Variants in TESC observed in about 807,000 individuals in gnomAD.
The protein encoded by TESC is tescalcin, also known as calcineurin B homologous protein 3.
In TESC, 19 loss-of-function variants were observed where a neutral mutation model predicts 31.0. The ratio of observed to expected loss-of-function variants is 0.61; its 90% CI spans 0.43 to 0.90. The LOEUF (loss-of-function observed/expected upper bound fraction) is 0.90. TESC is among the 40% of genes least tolerant of loss of function. The pLI is 0.00. For synonymous variants in TESC, 109 were observed against 114.8 expected, an observed-to-expected ratio of 0.95 and a Z score of 0.32; for missense variants, 248 against 303.8, an observed-to-expected ratio of 0.82 and a Z score of 1.36.
At position 117,072,748 on chromosome 12, in the gene TESC, G is replaced by A. The variant is rs113705875; in HGVS notation, c.128+2523C>T. On this transcript the variant is annotated intron_variant, in intron 2 of 7. Coordinates refer to ENST00000335209, the MANE Select transcript of TESC (RefSeq NM_017899.4). ...CTCCATAGCGGCTGCAGCTACCAGC[G>A]TAGGTACCAAGCACCTGGCGCAGAG... Among the ~76,000 whole-genome samples, 145 of 152,278 alleles carry A rather than the reference G, an allele frequency of 9.5e-4. 1 individual carries two copies. The highest frequency in any genetic ancestry group is 3.4e-3 in the African/African-American group (140 of 41,564).
chr12:117,083,453 G>A (rs73203880), intron 1 of TESC, among the ~76,000 whole-genome samples: 3,641 of 151,752 alleles, frequency 0.024, 71 homozygotes, highest in Non-Finnish European at 0.041. Flanking sequence ...GTTCAAAGCA[G>A]CACTGTTCAT....
chr12:117,047,812 C>T (rs1954589747), intron 4 of TESC, among the ~76,000 whole-genome samples: 1 of 152,104 alleles, frequency 6.6e-6, no homozygotes, highest in Non-Finnish European at 1.5e-5. Context: ...GCAACTGTAG[C>T]TCATTGCAGC....
In TESC at chr12:117,041,949, T is replaced by C. The variant is rs1482687257; in HGVS notation, c.565A>G (p.Lys189Glu). The change falls in exon 7 of 8, where the codon AAG (lysine) becomes GAG (glutamate). Residue 189 changes from lysine (K) to glutamate (E), a missense_variant and splice_region_variant. Physicochemically the swap from Lys to Glu is moderately conservative, Grantham distance 56 (BLOSUM62 1). Coordinates refer to ENST00000335209, the MANE Select transcript of TESC (RefSeq NM_017899.4). The part of the protein sequence containing the change: ...YEGITFEDFL[K>E]IWQGIDIETK... ...GCTCCCACGCCCAGGCCACCCACCT[T>C]CAGGAAGTCCTCGAAGGTGATCCCC... The C allele has an allele frequency of 1.9e-6, 3 of 1,588,654 alleles. No individual in the cohort carries two copies. In the South Asian group the frequency reaches 3.5e-5, roughly 18 times the overall value.
chr12:117,057,432 G>A (rs1284898478), intron 2 of TESC, among the ~76,000 whole-genome samples: 1 of 152,118 alleles, frequency 6.6e-6, no homozygotes, highest in African/African-American at 2.4e-5. Flanking sequence ...GAGGTGGACT[G>A]TACATTCATC....
intron 2 of TESC, among the ~76,000 whole-genome samples, chr12:117,072,793 TAA>T (rs1445681384): frequency 6.6e-6 from 1 of 152,136 alleles, no homozygotes; most frequent in African/African-American, 2.4e-5. Flanking sequence ...ATGAACTTTT[TAA>T]GAGACAGGGT....
At position 117,075,907 on chromosome 12, in the gene TESC, A is replaced by ATGTATG. The variant is rs1339057864; in HGVS notation, c.59-568_59-567insCATACA. Among the ~76,000 whole-genome samples the ATGTATG allele has an allele frequency of 7.5e-4, 49 of 65,148 alleles. 2 individuals carry two copies. The highest frequency in any genetic ancestry group is 5.2e-3 in the African/African-American group (49 of 9,492). The allele number at this position is 65,148 out of a possible 152,430, so 42.7% of individuals were successfully genotyped here. On this transcript the variant is annotated intron_variant, in intron 1 of 7. Coordinates refer to ENST00000335209, the MANE Select transcript of TESC (RefSeq NM_017899.4). Reference sequence around the variant, plus strand: ...TATATATATATATATATATATATATATATATATGTGTGTGTGTATATATAT... The same window carrying ATGTATG: ...TATATATATATATATATATATATATATGTATGTATATATGTGTGTGTGTATATATAT...
At chr12:117,080,012 C>T (rs1233525312) in intron 1 of TESC, among the ~76,000 whole-genome samples, 1 of 152,144 alleles carries the variant, frequency 6.6e-6, no homozygotes, top group Non-Finnish European at 1.5e-5. Context: ...TAAGCCTGGG[C>T]TGGTACAACC....
intron 2 of TESC, among the ~76,000 whole-genome samples, chr12:117,059,556 A>C (rs746465467): frequency 6.6e-6 from 1 of 152,172 alleles, no homozygotes; most frequent in African/African-American, 2.4e-5. Flanking sequence ...AAAAGGAACA[A>C]GGTTTTTTGT....
intron 2 of TESC, among the ~76,000 whole-genome samples, chr12:117,060,800 T>G (rs893508953): frequency 3.9e-5 from 6 of 152,152 alleles, no homozygotes; most frequent in Non-Finnish European, 8.8e-5. Context: ...GCCATCCGAA[T>G]AGAATCCATT....
At chr12:117,071,875 TGTGCTGTCCACA>T (rs1230479053) in intron 2 of TESC, among the ~76,000 whole-genome samples, 1 of 152,160 alleles carries the variant, frequency 6.6e-6, no homozygotes, top group East Asian at 1.9e-4. Context: ...GGACCTACTG[TGTGCTGTCCACA>T]GTGCTGGGCA....
At chr12:117,075,375 G>GA (rs201019467) in intron 1 of TESC, 35 bp from the exon 2 acceptor site, 564 of 1,576,050 alleles carry the variant, frequency 3.6e-4, no homozygotes, top group East Asian at 6.8e-4. Flanking sequence ...AAACAAGACA[G>GA]AAAAAAAAAT....
At chr12:117,066,419 T>C (rs1954883363) in intron 2 of TESC, among the ~76,000 whole-genome samples, 1 of 149,540 alleles carries the variant, frequency 6.7e-6, no homozygotes. Context: ...TTGCCCAGGC[T>C]GGAGTGCAGT....
intron 2 of TESC, among the ~76,000 whole-genome samples, chr12:117,065,715 C>A (rs550294447): frequency 3.0e-4 from 45 of 152,010 alleles, no homozygotes; most frequent in Non-Finnish European, 5.6e-4. Context: ...ATGGCAAGAC[C>A]CCATCTCTAC....
At chr12:117,081,145 AG>A (rs1470126907) in intron 1 of TESC, among the ~76,000 whole-genome samples, 1 of 152,208 alleles carries the variant, frequency 6.6e-6, no homozygotes, top group Admixed American at 6.5e-5. Flanking sequence ...TTCAACGTGA[AG>A]GAACACACCT....
intron 1 of TESC, among the ~76,000 whole-genome samples, chr12:117,075,915 GTGTGTGTGTATATATATATATA>G (rs1565971665): frequency 1.6e-4 from 8 of 50,694 alleles, no homozygotes; most frequent in South Asian, 6.8e-4. Context: ...ATATATATAT[GTGTGTGTGTATATATATATATA>G]TATGTATATA....
chr12:117,040,731 C>T (rs1030745596), intron 7 of TESC, among the ~76,000 whole-genome samples: 1 of 152,218 alleles, frequency 6.6e-6, no homozygotes, highest in Non-Finnish European at 1.5e-5. Context: ...GCCTGCCGAC[C>T]TCCGCAGTCT....
intron 2 of TESC, among the ~76,000 whole-genome samples, chr12:117,067,816 A>T (rs1954908403): frequency 6.6e-6 from 1 of 152,216 alleles, no homozygotes; most frequent in Non-Finnish European, 1.5e-5. Context: ...TCCTGAGACC[A>T]TGTGAGCGTT....
chr12:117,090,256 TA>T (rs1193917548), intron 1 of TESC, among the ~76,000 whole-genome samples: 1 of 152,234 alleles, frequency 6.6e-6, no homozygotes, highest in African/African-American at 2.4e-5. Flanking sequence ...AATGAATATG[TA>T]GGTTCTTAAG....
At chr12:117,089,410 A>C (rs1243912579) in intron 1 of TESC, among the ~76,000 whole-genome samples, 10 of 152,172 alleles carry the variant, frequency 6.6e-5, no homozygotes, top group Non-Finnish European at 2.9e-5. Flanking sequence ...TAATCAAAAA[A>C]CCAAACCATA....
Sources: allele counts gnomAD v4.1 joint callset (sites outside exome capture counted in the v4.1 genomes callset), GRCh38; gene constraint gnomAD v4.1.1; transcripts MANE v1.5; gene names NCBI Gene and HGNC (gene_info 2026-07-23, HGNC 2026-07-21).